Variants in FAM184A observed in about 807,000 individuals in gnomAD.
FAM184A encodes the protein protein FAM184A.
Under a neutral mutation model 143.8 loss-of-function variants are expected in FAM184A, and 99 were observed. The observed-to-expected ratio is 0.69, with a 90% confidence interval of 0.58 to 0.81. The LOEUF is 0.81. Among genes scored for constraint, FAM184A ranks in the 40% least tolerant of loss-of-function variants. The pLI is 0.00. For synonymous variants in FAM184A, 427 were observed against 446.4 expected (o/e 0.96, Z 0.55); for missense variants, 1,217 against 1,310.5 (o/e 0.93, Z 1.10).
intron 1 of FAM184A, among the ~76,000 whole-genome samples, chr6:119,109,642 T>C (rs1788879219): frequency 6.6e-6 from 1 of 152,234 alleles, no homozygotes; most frequent in Non-Finnish European, 1.5e-5. Flanking sequence ...TATTATAACA[T>C]TGTGGCAAAA....
intron 1 of FAM184A, among the ~76,000 whole-genome samples, chr6:119,106,095 A>T (rs1045031709): frequency 6.6e-6 from 1 of 152,132 alleles, no homozygotes; most frequent in African/African-American, 2.4e-5. Flanking sequence ...AAATGCTATT[A>T]AAAAAACCAA....
chr6:118,980,056 G>C, intron 10 of FAM184A, 82 bp downstream of exon 10: 2 of 1,240,396 alleles, frequency 1.6e-6, no homozygotes, highest in Non-Finnish European at 1.1e-6. Flanking sequence ...TCAAAAAATA[G>C]AAAAAAAAAT....
rs757423895 is a variant in FAM184A at position 118,979,461 on chromosome 6, C to T, written c.2359G>A (p.Ala787Thr). 1 of 1,613,742 alleles carries T rather than the reference C, an allele frequency of 6.2e-7. No individual in the cohort carries two copies. Among genetic ancestry groups the T allele is most frequent in the Non-Finnish European group, 8.5e-7 (1 of 1,179,786 alleles). Residue 787 changes from alanine (A) to threonine (T), a missense_variant, in exon 11 of 18, where the codon GCA (alanine) becomes ACA (threonine). Ala to Thr is a moderately conservative substitution (Grantham distance 58). Transcript: ENST00000338891. ...AAGCCCTCCATTGACTCTCTGTGTG[C>T]ATCTTTTAGTGATTGAAGCTCTGCA... ...HSAELQSLKDAHRESMEGFRI... is the reference protein window; with the variant it reads ...HSAELQSLKDTHRESMEGFRI...
At chr6:119,054,187 T>A (rs1197457612) in intron 1 of FAM184A, among the ~76,000 whole-genome samples, 3 of 152,240 alleles carry the variant, frequency 2.0e-5, no homozygotes, top group Non-Finnish European at 4.4e-5. Context: ...AAACACTGTA[T>A]GTAACCCTAA....
intron 1 of FAM184A, among the ~76,000 whole-genome samples, chr6:119,115,593 G>T (rs1789035547): frequency 6.6e-6 from 1 of 152,134 alleles, no homozygotes; most frequent in African/African-American, 2.4e-5. Context: ...AGTTATGAAA[G>T]GTTTGTTACT....
chr6:119,001,783 G>A (rs192507937), intron 9 of FAM184A, among the ~76,000 whole-genome samples: 67 of 152,046 alleles, frequency 4.4e-4, no homozygotes, highest in Admixed American at 3.7e-3. Context: ...ATCTTTCTAC[G>A]GGCAGAATCT....
intron 1 of FAM184A, among the ~76,000 whole-genome samples, chr6:119,140,512 C>T (rs1170530072): frequency 6.6e-6 from 1 of 152,188 alleles, no homozygotes; most frequent in East Asian, 1.9e-4. Context: ...CAGGGCGTTT[C>T]TTTCTTCCTT....
chr6:118,984,412 A>G (rs1784127375), intron 9 of FAM184A, among the ~76,000 whole-genome samples: 1 of 151,616 alleles, frequency 6.6e-6, no homozygotes, highest in Non-Finnish European at 1.5e-5. Context: ...TCCTGGGCTC[A>G]AGCGATCCTC....
At chr6:118,968,485 T>A (rs1456742914) in intron 14 of FAM184A, among the ~76,000 whole-genome samples, 1 of 152,240 alleles carries the variant, frequency 6.6e-6, no homozygotes, top group East Asian at 1.9e-4. Flanking sequence ...TCAAATAAAG[T>A]GACCTTGCAT....
intron 1 of FAM184A, among the ~76,000 whole-genome samples, chr6:119,129,330 C>T (rs911973592): frequency 6.6e-6 from 1 of 152,210 alleles, no homozygotes; most frequent in Non-Finnish European, 1.5e-5. Context: ...ATAGAGAAAG[C>T]TCTGCCTGTG....
At chr6:119,033,492 C>T (rs202134509) in intron 1 of FAM184A, among the ~76,000 whole-genome samples, 3 of 151,670 alleles carry the variant, frequency 2.0e-5, no homozygotes, top group African/African-American at 7.3e-5. Context: ...GGTGAAACCC[C>T]GTCTCTACTA....
intron 14 of FAM184A, among the ~76,000 whole-genome samples, chr6:118,973,312 G>A (rs1783750349): frequency 6.6e-6 from 1 of 152,028 alleles, no homozygotes; most frequent in Admixed American, 6.6e-5. Context: ...AGATTGAATT[G>A]GTCACATAAA....
At chr6:119,087,026 A>C (rs1463087018) in intron 1 of FAM184A, among the ~76,000 whole-genome samples, 1 of 152,180 alleles carries the variant, frequency 6.6e-6, no homozygotes, top group African/African-American at 2.4e-5. Flanking sequence ...CTCCTAGCAC[A>C]CGATACATGG....
chr6:118,970,259 C>G lies in FAM184A; in HGVS notation c.2916-3307G>C, dbSNP rs143399530. On this transcript the variant is annotated intron_variant, in intron 14 of 17. Transcript: ENST00000338891. ...CCTCAGGTGATCCGCCTGCCTCGGC[C>G]TCCCAGAAGTGCTGGGATTACAGGC... 3.7e-3 allele frequency among the ~76,000 whole-genome samples: 562 copies of G among 151,486 alleles called. 4 individuals are homozygous for G. Among genetic ancestry groups the G allele is most frequent in the African/African-American group, 0.013 (528 of 41,300 alleles).
At chr6:119,086,188 A>G (rs1159507290) in intron 1 of FAM184A, among the ~76,000 whole-genome samples, 2 of 152,224 alleles carry the variant, frequency 1.3e-5, no homozygotes, top group Non-Finnish European at 2.9e-5. Flanking sequence ...CAAGAAATCT[A>G]TACTTAGTGC....
At chr6:119,062,967 TA>T (rs1266181371) in intron 1 of FAM184A, among the ~76,000 whole-genome samples, 1 of 152,210 alleles carries the variant, frequency 6.6e-6, no homozygotes, top group African/African-American at 2.4e-5. Flanking sequence ...TTTAACACAG[TA>T]TCTCTCCTTC....
chr6:119,096,942 C>T (rs1473330741), intron 1 of FAM184A, among the ~76,000 whole-genome samples: 1 of 152,186 alleles, frequency 6.6e-6, no homozygotes, highest in African/African-American at 2.4e-5. Flanking sequence ...CTGCACAGTC[C>T]TGCTTGACAT....
rs1473263611 is a variant in FAM184A, at chr6:119,078,327, C to T, written c.-28G>A. 5 of 1,426,148 alleles carry T rather than the reference C, an allele frequency of 3.5e-6. No individual in the cohort carries two copies. Among genetic ancestry groups the T allele is most frequent in the East Asian group, 2.9e-5 (1 of 34,110 alleles). 88.3% of individuals were successfully genotyped at this position (1,426,148 alleles called of 1,614,324 possible). A position where few individuals can be genotyped will look rare whatever the true frequency, so the allele number is the denominator to read the frequency against. Reference sequence around the variant, plus strand: ...TCCCAACAGACCCCAGCCGGGGCACCTGTCCCCGCGGGTGGAGGCAGGCCC... The same window carrying T: ...TCCCAACAGACCCCAGCCGGGGCACTTGTCCCCGCGGGTGGAGGCAGGCCC... On this transcript the variant is annotated 5_prime_UTR_variant, in exon 1 of 18. Coordinates refer to ENST00000338891, the MANE Select transcript of FAM184A (RefSeq NM_024581.6). The surrounding 1 kb of genome is among the most constrained non-coding windows in gnomAD (Gnocchi z 5.5).
At chr6:119,115,474 T>C (rs144015965) in intron 1 of FAM184A, among the ~76,000 whole-genome samples, 1,656 of 152,204 alleles carry the variant, frequency 0.011, 19 homozygotes, top group South Asian at 0.041. Flanking sequence ...GGAGGATAGC[T>C]TGAGACCAGG....
Sources: gnomAD v4.1 joint callset for allele counts (sites outside exome capture counted in the v4.1 genomes callset) on GRCh38, gnomAD v4.1.1 for gene constraint, Gnocchi (gnomAD v3.1) non-coding constraint, MANE v1.5 for transcripts, NCBI Gene and HGNC (gene_info 2026-07-23, HGNC 2026-07-21) for gene names.